Variants in ABCC5 observed in about 807,000 individuals in gnomAD.
ABCC5 encodes the protein ATP-binding cassette sub-family C member 5.
Under a neutral mutation model 160.9 loss-of-function variants are expected in ABCC5, and 61 were observed. The ratio of observed to expected loss-of-function variants is 0.38; its 90% CI spans 0.31 to 0.47. The LOEUF is 0.47. Among genes scored for constraint, ABCC5 ranks in the 20% least tolerant of loss-of-function variants. The probability of loss-of-function intolerance (pLI) is 0.99; values close to 1 mark genes in which losing one functional copy is unlikely to be tolerated. For synonymous variants in ABCC5, 666 were observed against 700.6 expected (o/e 0.95, Z 0.78); for missense variants, 1,308 against 1,813.3 (o/e 0.72, Z 5.06).
At chr3:184,009,962 A>T (rs1292474208) in intron 2 of ABCC5, 3 of 436,368 alleles carry the variant, frequency 6.9e-6, no homozygotes, top group African/African-American at 6.1e-5. Context: ...CAGCCTGGCC[A>T]ACAGTGAGAG....
intron 26 of ABCC5, among the ~76,000 whole-genome samples, chr3:183,931,481 C>T (rs1317269931): frequency 3.9e-5 from 6 of 152,152 alleles, no homozygotes; most frequent in Middle Eastern, 3.4e-3. Flanking sequence ...TACAGGTGTG[C>T]GCCACCACAC....
chr3:184,003,231 A>C (rs1469171596), intron 2 of ABCC5, among the ~76,000 whole-genome samples: 5 of 152,170 alleles, frequency 3.3e-5, no homozygotes, highest in Non-Finnish European at 7.4e-5. Context: ...TTAAAAGTGA[A>C]TTAAAATTCA....
chr3:183,927,917 A>C (rs1253311754), intron 27 of ABCC5: 13 of 706,496 alleles, frequency 1.8e-5, no homozygotes, highest in Non-Finnish European at 2.3e-5. Context: ...CTAATAGTTG[A>C]ATTAGGGCAG....
intron 23 of ABCC5, 83 bp downstream of exon 23, chr3:183,947,240 AG>A: frequency 7.3e-7 from 1 of 1,366,156 alleles, no homozygotes; most frequent in Non-Finnish European, 9.7e-7. Flanking sequence ...CTCAGGGTGG[AG>A]CCCCCCACAA....
At chr3:183,957,202 T>G (rs1383456914) in intron 17 of ABCC5, among the ~76,000 whole-genome samples, 3 of 83,750 alleles carry the variant, frequency 3.6e-5, no homozygotes, top group African/African-American at 8.5e-5. Flanking sequence ...GGTTACATGC[T>G]TATCCGTGTG....
At chr3:183,970,507 C>T (rs552096228) in intron 11 of ABCC5, among the ~76,000 whole-genome samples, 21 of 151,490 alleles carry the variant, frequency 1.4e-4, no homozygotes, top group Non-Finnish European at 2.2e-4. Flanking sequence ...TGCAGTAGCG[C>T]GATCTCAGCT....
chr3:183,953,295 G>T, intron 17 of ABCC5, 25 bp from the exon 18 acceptor site: 1 of 1,573,718 alleles, frequency 6.4e-7, no homozygotes, highest in East Asian at 2.2e-5. Context: ...AAGAAACATG[G>T]ACTCAGAAGG....
chr3:183,956,498 G>A (rs1282975744), intron 17 of ABCC5, among the ~76,000 whole-genome samples: 209 of 95,926 alleles, frequency 2.2e-3, no homozygotes, highest in Middle Eastern at 9.3e-3. Flanking sequence ...TGTTACATGC[G>A]GATCCGTGTG....
chr3:184,014,909 T>C (rs940367854), intron 1 of ABCC5, among the ~76,000 whole-genome samples: 2 of 152,224 alleles, frequency 1.3e-5, no homozygotes, highest in Non-Finnish European at 2.9e-5. Context: ...ATTCTACCAA[T>C]GATATATTCC....
intron 2 of ABCC5, among the ~76,000 whole-genome samples, chr3:183,994,180 C>A (rs1416730174): frequency 6.6e-6 from 1 of 151,768 alleles, no homozygotes; most frequent in Non-Finnish European, 1.5e-5. Context: ...GTCTCAAACT[C>A]CTGACTTCAA....
At chr3:183,996,755 A>G (rs184246641) in intron 2 of ABCC5, among the ~76,000 whole-genome samples, 7 of 152,218 alleles carry the variant, frequency 4.6e-5, no homozygotes, top group African/African-American at 1.4e-4. Context: ...GTAACAAAGC[A>G]TGGAGTAGAA....
At chr3:183,968,831 GCTAA>G (rs1240832815) in intron 11 of ABCC5, among the ~76,000 whole-genome samples, 1 of 152,182 alleles carries the variant, frequency 6.6e-6, no homozygotes, top group East Asian at 1.9e-4. Flanking sequence ...ACTAGCACTT[GCTAA>G]CTGTGTGATC....
intron 10 of ABCC5, among the ~76,000 whole-genome samples, chr3:183,972,331 C>T (rs918520210): frequency 1.3e-5 from 2 of 152,206 alleles, no homozygotes; most frequent in Non-Finnish European, 2.9e-5. Flanking sequence ...TTCCAGACCC[C>T]TCCTGCAGAA....
rs143011178 is a variant in ABCC5 at position 183,960,277 on chromosome 3, C to T, written c.2380-442G>A. Among the ~76,000 whole-genome samples, 311 of 152,282 alleles carry T rather than the reference C, an allele frequency of 2.0e-3. 1 individual carries two copies. Among genetic ancestry groups the T allele is most frequent in the African/African-American group, 7.0e-3 (291 of 41,554 alleles). On this transcript the variant is annotated intron_variant, in intron 16 of 29. Coordinates refer to ENST00000334444, the MANE Select transcript of ABCC5 (RefSeq NM_005688.4). ...GGCCCTGCCCTAATCCTGCAAGCTC[C>T]TCTCCCATCTCACTGGTGTCCACAG...
At chr3:183,994,714 G>A (rs936924308) in intron 2 of ABCC5, among the ~76,000 whole-genome samples, 5 of 152,162 alleles carry the variant, frequency 3.3e-5, no homozygotes, top group African/African-American at 9.7e-5. Context: ...TCTAATAGGT[G>A]TGGTATGGTA....
chr3:183,982,928 C>T lies in ABCC5; in HGVS notation c.671G>A (p.Gly224Asp). ...CCGCACGATTTCCGTCAGGAGGAGG[C>T]CCAGCACTAACAACAAGCTGTACTG... ...NLQYSLLLVL[G>D]LLLTEIVRSW... Residue 224 changes from glycine (G) to aspartate (D), a missense_variant, in exon 6 of 30, where the codon GGC becomes GAC. Physicochemically the swap from Gly to Asp is moderately conservative, Grantham distance 94. Around this residue, in one of 3 missense-constraint regions of ABCC5, gnomAD observed 1,142 missense variants for 1,527.1 expected, o/e 0.75. Coordinates refer to ENST00000334444, the MANE Select transcript of ABCC5 (RefSeq NM_005688.4). This position sits in a 1 kb window ranked among gnomAD's most constrained non-coding sequence, Gnocchi z 5.2. The T allele has an allele frequency of 3.7e-6, 6 of 1,614,236 alleles. No individual in the cohort carries two copies. The highest frequency in any genetic ancestry group is 5.1e-6 in the Non-Finnish European group (6 of 1,180,048).
intron 16 of ABCC5, among the ~76,000 whole-genome samples, chr3:183,960,702 C>T (rs898947214): frequency 2.6e-5 from 4 of 152,164 alleles, no homozygotes; most frequent in Admixed American, 2.6e-4. Flanking sequence ...TATAACAGGG[C>T]ACACAGGGAC....
chr3:183,949,095 A>C lies in ABCC5; in HGVS notation c.3227+658T>G, dbSNP rs940762777. On this transcript the variant is annotated intron_variant, in intron 22 of 29. Transcript: ENST00000334444. The surrounding 1 kb of genome is among the most constrained non-coding windows in gnomAD (Gnocchi z 4.2). ...ATCTGTACTCTGCTGTTTCACTAATATATGCTGGAGATCATTCCCTATCAG... is the reference window on the plus strand; with the variant it reads ...ATCTGTACTCTGCTGTTTCACTAATCTATGCTGGAGATCATTCCCTATCAG... 3.9e-5 allele frequency among the ~76,000 whole-genome samples: 6 copies of C among 152,200 alleles called. No homozygotes were observed. The highest frequency in any genetic ancestry group is 8.8e-5 in the Non-Finnish European group (6 of 68,040).
At chr3:183,985,269 T>A in intron 5 of ABCC5, 1 of 1,555,232 alleles carries the variant, frequency 6.4e-7, no homozygotes, top group Non-Finnish European at 8.9e-7. Flanking sequence ...TGTCTGGCTG[T>A]GGAAAGCATT....
Sources: allele counts gnomAD v4.1 joint callset (sites outside exome capture counted in the v4.1 genomes callset), GRCh38; gene constraint gnomAD v4.1.1; regional missense constraint gnomAD v4.1.1; non-coding constraint Gnocchi (gnomAD v3.1); transcripts MANE v1.5; gene names NCBI Gene and HGNC (gene_info 2026-07-23, HGNC 2026-07-21).